Variants in TNRC6C observed in about 807,000 individuals in gnomAD.
TNRC6C encodes trinucleotide repeat containing adaptor 6C, also known as trinucleotide repeat-containing gene 6C protein.
TNRC6C carries 20 observed loss-of-function variants against 153.7 expected under a neutral mutation model. That is an observed-to-expected ratio of 0.13 (90% CI 0.09 to 0.19). TNRC6C has a LOEUF of 0.19. Among genes scored for constraint, TNRC6C ranks in the 10% least tolerant of loss-of-function variants. The probability of loss-of-function intolerance (pLI) is 1.00; values close to 1 mark genes in which losing one functional copy is unlikely to be tolerated. For missense variants in TNRC6C, 1,987 were observed against 2,172.0 expected (o/e 0.91, Z 1.69); for synonymous variants, 811 against 841.4 (o/e 0.96, Z 0.63).
intron 11 of TNRC6C, 80 bp downstream of exon 13, chr17:78,083,246 A>G (rs2073215723): frequency 1.3e-6 from 2 of 1,581,212 alleles, no homozygotes; most frequent in African/African-American, 2.7e-5. Context: ...AGCAGTTGTG[A>G]TAATGTTTGT....
intron 1 of TNRC6C, among the ~76,000 whole-genome samples, chr17:77,986,673 T>C (rs1454667092): frequency 6.6e-6 from 1 of 152,172 alleles, no homozygotes; most frequent in African/African-American, 2.4e-5. Context: ...AACCAAAATT[T>C]TATGAAACTG....
chr17:78,046,397 C>T lies in TNRC6C; in HGVS notation c.-218-2448C>T, dbSNP rs530714989. 1.3e-3 allele frequency among the ~76,000 whole-genome samples: 203 copies of T among 152,150 alleles called. 3 individuals are homozygous for T. Among genetic ancestry groups the T allele is most frequent in the African/African-American group, 4.7e-3 (194 of 41,508 alleles). On this transcript the variant is annotated intron_variant, in intron 2 of 19. Transcript: ENST00000301624. ...TTCACCATGTTGGCCAGGCTGGTCTCGAACTCCTGACCTCAGGTGATCCAC... is the reference window on the plus strand; with the variant it reads ...TTCACCATGTTGGCCAGGCTGGTCTTGAACTCCTGACCTCAGGTGATCCAC...
chr17:78,008,506 G>A (rs1288543888), intron 1 of TNRC6C: 1 of 152,110 alleles, frequency 6.6e-6, no homozygotes, highest in East Asian at 1.9e-4. Flanking sequence ...CAGCCCCGGG[G>A]GTTTTCACTC....
chr17:78,043,154 C>T (rs2072334221), intron 2 of TNRC6C, among the ~76,000 whole-genome samples: 2 of 152,136 alleles, frequency 1.3e-5, no homozygotes, highest in Admixed American at 6.5e-5. Flanking sequence ...AAAAGAATAG[C>T]AGTATGTCTC....
chr17:78,073,716 T>G (rs1378909861), intron 7 of TNRC6C, among the ~76,000 whole-genome samples: 1 of 152,212 alleles, frequency 6.6e-6, no homozygotes, highest in Non-Finnish European at 1.5e-5. Flanking sequence ...ACAACATTTT[T>G]GTCAACCAAT....
exon 2 of TNRC6C, chr17:78,031,643 TGC>T: frequency 8.1e-7 from 1 of 1,232,456 alleles, no homozygotes; most frequent in Non-Finnish European, 1.0e-6. Flanking sequence ...AGCAGCCAGC[TGC>T]ATCCCGTTAC....
At chr17:78,034,696 G>A (rs1286117531) in intron 2 of TNRC6C, among the ~76,000 whole-genome samples, 2 of 152,186 alleles carry the variant, frequency 1.3e-5, no homozygotes, top group Admixed American at 6.5e-5. Context: ...GAGGTCGGGC[G>A]TGGTGGCTGA....
intron 1 of TNRC6C, among the ~76,000 whole-genome samples, chr17:77,997,547 T>C (rs1359584000): frequency 6.6e-6 from 1 of 152,138 alleles, no homozygotes; most frequent in Non-Finnish European, 1.5e-5. Flanking sequence ...TGTCTGCACT[T>C]CATTGAAACC....
intron 3 of TNRC6C, among the ~76,000 whole-genome samples, chr17:78,063,257 A>G (rs990968273): frequency 2.0e-5 from 3 of 148,216 alleles, no homozygotes; most frequent in East Asian, 3.9e-4. Context: ...AAATATATAT[A>G]TATATATAAA....
At chr17:78,040,571 T>C (rs2143844285) in intron 2 of TNRC6C, among the ~76,000 whole-genome samples, 1 of 152,186 alleles carries the variant, frequency 6.6e-6, no homozygotes, top group South Asian at 2.1e-4. Context: ...AGGAGTTGTT[T>C]AGAAAAAGGG....
At chr17:78,100,414 G>C (rs1208502252) in intron 17 of TNRC6C, among the ~76,000 whole-genome samples, 1 of 152,326 alleles carries the variant, frequency 6.6e-6, no homozygotes, top group South Asian at 2.1e-4. Context: ...CTTCACTTCT[G>C]TGCACCCAGA....
At chr17:78,064,993 T>G in intron 4 of TNRC6C, 56 bp downstream of exon 6, 1 of 1,515,108 alleles carries the variant, frequency 6.6e-7, no homozygotes, top group South Asian at 1.2e-5. Flanking sequence ...ACTCAAAGTA[T>G]TGAATTTTAA....
chr17:78,091,326 C>CAAA (rs60735984), intron 13 of TNRC6C, 114 bp from the exon 16 acceptor site: 721 of 1,049,636 alleles, frequency 6.9e-4, no homozygotes, highest in South Asian at 1.1e-3. Context: ...GACTCCGTCT[C>CAAA]AAAAAAAAAA....
chr17:78,022,623 C>A (rs958277411), intron 1 of TNRC6C, among the ~76,000 whole-genome samples: 1 of 152,112 alleles, frequency 6.6e-6, no homozygotes, highest in African/African-American at 2.4e-5. Context: ...GAGGGTGGGA[C>A]TGGATGATTT....
intron 1 of TNRC6C, among the ~76,000 whole-genome samples, chr17:77,995,840 G>A (rs569122343): frequency 2.0e-5 from 3 of 152,258 alleles, no homozygotes; most frequent in African/African-American, 4.8e-5. Flanking sequence ...TCAAGAAAAG[G>A]TTTTCACAAC....
At chr17:78,071,853 C>T (rs2073003721) in intron 6 of TNRC6C, among the ~76,000 whole-genome samples, 1 of 152,112 alleles carries the variant, frequency 6.6e-6, no homozygotes, top group Non-Finnish European at 1.5e-5. Flanking sequence ...AAAAAGTATC[C>T]TAACCAGACC....
intron 1 of TNRC6C, among the ~76,000 whole-genome samples, chr17:78,027,074 G>A (rs780620028): frequency 2.0e-5 from 3 of 152,182 alleles, no homozygotes; most frequent in South Asian, 2.1e-4. Flanking sequence ...AACCTGCCAA[G>A]GGGGATGGGA....
upstream of TNRC6C, among the ~76,000 whole-genome samples, chr17:78,000,814 CT>C (rs2071402272): frequency 6.6e-6 from 1 of 152,106 alleles, no homozygotes; most frequent in Non-Finnish European, 1.5e-5. Flanking sequence ...GAATTTTCTT[CT>C]TTTACAAATA....
Position 78,105,036 on chromosome 17 carries a change from C to G in TNRC6C, c.*191C>G, listed in dbSNP as rs1264336294. The G allele has an allele frequency of 1.5e-5, 8 of 539,468 alleles. No individual in the cohort carries two copies. The Admixed American group carries it at 1.7e-4, about 11-fold the overall frequency. 33.4% of individuals were successfully genotyped at this position (539,468 alleles called of 1,614,324 possible). ...AGTGCGGGCTGCGGTGGGTCAGCGT[C>G]ACATGCTAATGACAGGATGTTCCTC... On this transcript the variant is annotated 3_prime_UTR_variant, in exon 20 of 20. Transcript: ENST00000301624.
Sources: gnomAD v4.1 joint callset for allele counts (sites outside exome capture counted in the v4.1 genomes callset) on GRCh38, gnomAD v4.1.1 for gene constraint, MANE v1.5 for transcripts, NCBI Gene and HGNC (gene_info 2026-07-23, HGNC 2026-07-21) for gene names.